The following MRPL4 variants were observed in gnomAD, a reference collection of about 807,000 sequenced individuals.
MRPL4 encodes the protein mitochondrial ribosomal protein L4.
Under a neutral mutation model 34.1 loss-of-function variants are expected in MRPL4, and 34 were observed. The ratio of observed to expected loss-of-function variants is 1.00; its 90% CI spans 0.76 to 1.33. The LOEUF is 1.33. Ranked by LOEUF, MRPL4 falls within the 40% of genes most tolerant of loss-of-function variation. MRPL4 has a pLI of 0.00. For missense variants in MRPL4, 402 were observed against 434.6 expected (o/e 0.92, Z 0.67); for synonymous variants, 196 against 188.3 (o/e 1.04, Z -0.33).
chr19:10,252,156 C>T (rs1428143228), upstream of MRPL4: 51 of 1,400,554 alleles, frequency 3.6e-5, no homozygotes, highest in Non-Finnish European at 2.7e-5. Context: ...CGCGGAGTCG[C>T]GGCGGGTAGG....
intron 4 of MRPL4, among the ~76,000 whole-genome samples, chr19:10,256,073 G>A (rs989315273): frequency 6.6e-6 from 1 of 152,130 alleles, no homozygotes; most frequent in African/African-American, 2.4e-5. Flanking sequence ...GGATCACGAG[G>A]TCGGGAGATC....
Position 10,254,738 on chromosome 19 carries a change from G to T in MRPL4, c.327+98G>T. 6 of 1,286,318 alleles carry T rather than the reference G, an allele frequency of 4.7e-6. No homozygotes were observed. In the South Asian group the frequency reaches 7.6e-5, roughly 16 times the overall value. 79.7% of individuals were successfully genotyped at this position (1,286,318 alleles called of 1,614,324 possible). On this transcript the variant is annotated intron_variant, in intron 4 of 8. Transcript: ENST00000253099. ...CCCATCGCTGGGTTTTCTCTGGACT[G>T]CTCGGCTGGGGCCTCATCTGTCTCC...
rs754288169 is a variant in MRPL4, at chr19:10,252,438, G to C, written c.99G>C (p.Glu33Asp). The change falls in exon 2 of 9, where the codon GAG (glutamate) becomes GAC (aspartate). Residue 33 changes from glutamate (E) to aspartate (D), a missense_variant. Transcript: ENST00000253099. Reference protein sequence around the residue: ...SLAEEAARATENPEQVASEGL... With the variant: ...SLAEEAARATDNPEQVASEGL... The stretch of plus-strand genomic sequence containing the variant: ...CGGAAGAGGCAGCGCGTGCGACCGA[G>C]AACCCGGAGCAGGTGGCGAGCGAGG... The C allele has an allele frequency of 6.2e-7, 1 of 1,613,974 alleles. No individual in the cohort carries two copies. Among genetic ancestry groups the C allele is most frequent in the African/African-American group, 1.3e-5 (1 of 74,912 alleles).
chr19:10,259,098 CAAAAAAAAAAAAAAAA>C (rs35481360), intron 8 of MRPL4: 1 of 539,536 alleles, frequency 1.9e-6, no homozygotes. Context: ...ACTCTTGTCT[CAAAAAAAAAAAAAAAA>C]AAAAAAAAAA....
chr19:10,252,963 C>G, intron 3 of MRPL4: 2 of 475,684 alleles, frequency 4.2e-6, no homozygotes, highest in Non-Finnish European at 3.7e-6. Context: ...CTGCCTTCCC[C>G]TCTTGTCCCT....
rs953740833 is a variant in MRPL4 at position 10,260,007 on chromosome 19, C to T, written c.*194C>T. Reference sequence around the variant, plus strand: ...CCAGACGGGCTTCTGCATCCATTCCCTCTTTTTGTTTTTAAAATAAATTGT... The same window carrying T: ...CCAGACGGGCTTCTGCATCCATTCCTTCTTTTTGTTTTTAAAATAAATTGT... On this transcript the variant is annotated 3_prime_UTR_variant, in exon 9 of 9. Coordinates refer to ENST00000253099, the MANE Select transcript of MRPL4 (RefSeq NM_015956.3). 2.2e-6 allele frequency: 1 copy of T among 465,022 alleles called. No individual in the cohort carries two copies. Among genetic ancestry groups the T allele is most frequent in the East Asian group, 3.5e-5 (1 of 28,710 alleles). 28.8% of individuals were successfully genotyped at this position (465,022 alleles called of 1,614,324 possible).
intron 8 of MRPL4, chr19:10,259,131 A>G (rs895787394): frequency 9.1e-7 from 1 of 1,094,966 alleles, no homozygotes; most frequent in African/African-American, 1.7e-5. Context: ...AAAAAGCTCC[A>G]AAGTCACCTC....
chr19:10,259,787 C>A lies in MRPL4; in HGVS notation c.910C>A (p.Pro304Thr). Reference sequence around the variant, plus strand: ...ACCCCTACCCCACGCTACCCAGGGCCCAGCGGCCACCCCGTACCACTGTTG... The same window carrying A: ...ACCCCTACCCCACGCTACCCAGGGCACAGCGGCCACCCCGTACCACTGTTG... ...PRPLPHATQG[P>T]AATPYHC The change falls in exon 9 of 9, where the codon CCA (proline) becomes ACA (threonine). Residue 304 changes from proline (P) to threonine (T), a missense_variant. Pro to Thr is a conservative substitution (Grantham distance 38, BLOSUM62 -1). Transcript: ENST00000253099. 6.2e-7 allele frequency: 1 copy of A among 1,613,154 alleles called. No individual in the cohort carries two copies.
intron 8 of MRPL4, chr19:10,259,241 C>G (rs933415211): frequency 7.5e-7 from 1 of 1,329,050 alleles, no homozygotes; most frequent in Non-Finnish European, 9.6e-7. Flanking sequence ...GGCTTCCCCA[C>G]CTCTCTCAGG....
chr19:10,256,609 A>G, intron 4 of MRPL4, 99 bp from the exon 5 acceptor site: 3 of 937,528 alleles, frequency 3.2e-6, no homozygotes. Flanking sequence ...GCCCGTCATC[A>G]TGGTGCCTCC....
At chr19:10,254,562 C>T in intron 3 of MRPL4, 27 bp from the exon 4 acceptor site, 1 of 1,612,750 alleles carries the variant, frequency 6.2e-7, no homozygotes, top group Non-Finnish European at 8.5e-7. Context: ...CAGAGTTGGG[C>T]TTCTCATGTG....
upstream of MRPL4, chr19:10,252,202 T>G (rs2039796637): frequency 6.6e-6 from 10 of 1,515,818 alleles, no homozygotes; most frequent in Admixed American, 2.4e-4. Context: ...CAGCGGCGCC[T>G]CGCGAGGCTC....
At chr19:10,255,029 C>T (rs1410813661) in intron 4 of MRPL4, 1 of 157,920 alleles carries the variant, frequency 6.3e-6, no homozygotes, top group East Asian at 1.9e-4. Context: ...GTCTCAAACT[C>T]CTGACCTCAA....
In MRPL4 at chr19:10,252,832, C is replaced by A; in HGVS notation, c.275+131C>A. ...CTACAGCCTCCGTTTCTCCACCTGTCAAAGGGGAATGATGACAGTTTCCCC... is the reference window on the plus strand; with the variant it reads ...CTACAGCCTCCGTTTCTCCACCTGTAAAAGGGGAATGATGACAGTTTCCCC... On this transcript the variant is annotated intron_variant, in intron 3 of 8. Transcript: ENST00000253099. 4 of 1,274,826 alleles carry A rather than the reference C, an allele frequency of 3.1e-6. No homozygotes were observed. In the South Asian group the frequency reaches 5.8e-5, roughly 19 times the overall value. The allele number at this position is 1,274,826 out of a possible 1,614,324, so 79.0% of individuals were successfully genotyped here. A position where few individuals can be genotyped will look rare whatever the true frequency, so the allele number is the denominator to read the frequency against.
chr19:10,258,284 C>T lies in MRPL4; in HGVS notation c.508C>T (p.Arg170Trp). ...SYYYMLPMKVRALGLKVALTV... is the reference protein window; with the variant it reads ...SYYYMLPMKVWALGLKVALTV... ...CTACTACATGCTGCCCATGAAGGTG[C>T]GGGCGCTGGGTCTCAAAGTGGCACT... Residue 170 changes from arginine to tryptophan, a missense_variant, in exon 6 of 9, where the codon CGG (arginine) becomes TGG (tryptophan). Physicochemically the swap from Arg to Trp is moderately radical, Grantham distance 101. Transcript: ENST00000253099. 3.1e-6 allele frequency: 5 copies of T among 1,614,068 alleles called. No individual in the cohort carries two copies. Among genetic ancestry groups the T allele is most frequent in the South Asian group, 1.1e-5 (1 of 91,080 alleles).
At chr19:10,254,695 G>T in intron 4 of MRPL4, 55 bp downstream of exon 4, 1 of 1,599,838 alleles carries the variant, frequency 6.3e-7, no homozygotes. Flanking sequence ...GGAGGTTGGG[G>T]ATAGGACCCA....
intron 8 of MRPL4, 28 bp from the exon 9 acceptor site, chr19:10,259,589 C>T: frequency 5.5e-6 from 8 of 1,460,660 alleles, no homozygotes; most frequent in Non-Finnish European, 7.2e-6. Context: ...CTGACCGGCC[C>T]CCCGCCCCGC....
intron 5 of MRPL4, 34 bp downstream of exon 5, chr19:10,256,859 T>TGGGGGGGGGGGGGGGGGGGGGGGGGGGG: frequency 2.9e-4 from 21 of 72,644 alleles, no homozygotes; most frequent in Non-Finnish European, 3.5e-4. Flanking sequence ...CGGGGAGGGG[T>TGGGGGGGGGGGGGGGGGGGGGGGGGGGG]GGGGGGGCCA....
At chr19:10,254,310 C>T (rs757483862) in intron 3 of MRPL4, among the ~76,000 whole-genome samples, 5 of 152,194 alleles carry the variant, frequency 3.3e-5, no homozygotes, top group Non-Finnish European at 5.9e-5. Context: ...AGCCACTGCA[C>T]CTGGTCAGGG....
Sources: gnomAD v4.1 joint callset for allele counts (sites outside exome capture counted in the v4.1 genomes callset) on GRCh38, gnomAD v4.1.1 for gene constraint, MANE v1.5 for transcripts, NCBI Gene and HGNC (gene_info 2026-07-23, HGNC 2026-07-21) for gene names.